SRF: variants seen among roughly 807,000 people sequenced by gnomAD.
SRF encodes serum response factor.
In SRF, 7 loss-of-function variants were observed where a neutral mutation model predicts 37.1. The observed-to-expected ratio is 0.19, with a 90% CI of 0.11 to 0.35. The LOEUF (loss-of-function observed/expected upper bound fraction) is 0.35, where lower values mean the gene tolerates loss of function less well. SRF is among the 10% of genes least tolerant of loss of function. The pLI, the probability that SRF is intolerant of heterozygous loss-of-function variation, is 1.00. For synonymous variants in SRF, 285 were observed against 310.1 expected (o/e 0.92, Z 0.85); for missense variants, 395 against 694.4 (o/e 0.57, Z 4.85).
Position 43,179,022 on chromosome 6 carries a change from AG to A in SRF, c.1432-71del. The A allele has an allele frequency of 6.3e-7, 1 of 1,588,038 alleles. No individual in the cohort carries two copies. The highest frequency in any genetic ancestry group is 8.6e-7 in the Non-Finnish European group (1 of 1,157,200). ...TTTTCTGCTCAGGCCTGTGGTTGGC[AG>A]GCAGGGAAGCCAGGGGAGCCTGAAC... is the stretch of plus-strand genomic sequence containing the variant. On this transcript the variant is annotated intron_variant, in intron 6 of 6. Coordinates refer to ENST00000265354, the MANE Select transcript of SRF (RefSeq NM_003131.4). The surrounding 1 kb of genome is among the most constrained non-coding windows in gnomAD (Gnocchi z 5.3).
intron 4 of SRF, among the ~76,000 whole-genome samples, chr6:43,177,228 G>GTTTTTTTTTTGTTTTTTGTTTTT (rs1772215070): frequency 4.3e-5 from 5 of 116,848 alleles, no homozygotes; most frequent in African/African-American, 1.9e-4. Context: ...ATCGGAGTCT[G>GTTTTTTTTTTGTTTTTTGTTTTT]TTTTTTTTTT....
At position 43,178,792 on chromosome 6, in the gene SRF, G is replaced by C; in HGVS notation, c.1355-14G>C. 6.2e-7 allele frequency: 1 copy of C among 1,614,068 alleles called. No homozygotes were observed. The highest frequency in any genetic ancestry group is 8.5e-7 in the Non-Finnish European group (1 of 1,179,910). On this transcript the variant is annotated splice_polypyrimidine_tract_variant and intron_variant, in intron 5 of 6. Transcript: ENST00000265354. The surrounding 1 kb of genome is among the most constrained non-coding windows in gnomAD (Gnocchi z 4.3). The stretch of plus-strand genomic sequence containing the variant: ...ACAAACAATTTGAGTATCTCCTGTG[G>C]TTTTCCAATGTAGGTGGCGTCCCCC...
Position 43,179,262 on chromosome 6 carries a change from T to G in SRF, c.*72T>G. ...TTTATTGTTGCCTTTTCACGTTTTC[T>G]TTACACACACGTTGACGGGCCGCAG... On this transcript the variant is annotated 3_prime_UTR_variant, in exon 7 of 7. Transcript: ENST00000265354. The surrounding 1 kb of genome is among the most constrained non-coding windows in gnomAD (Gnocchi z 5.3). 1 of 1,537,992 alleles carries G rather than the reference T, an allele frequency of 6.5e-7. No individual in the cohort carries two copies. The highest frequency in any genetic ancestry group is 1.1e-5 in the South Asian group (1 of 87,898).
In SRF at chr6:43,172,323, G is replaced by T. The variant is rs917461124; in HGVS notation, c.513+154G>T. ...GGATGGCTCCTGCCCGGGGAGGGCC[G>T]AAGGGGAGGGGCCGCCGGGGAAATG... On this transcript the variant is annotated intron_variant, in intron 1 of 6. Transcript: ENST00000265354. The surrounding 1 kb of genome is among the most constrained non-coding windows in gnomAD (Gnocchi z 5.7). The T allele has an allele frequency of 2.6e-5, 26 of 983,750 alleles. No individual in the cohort carries two copies. Among genetic ancestry groups the T allele is most frequent in the Non-Finnish European group, 3.1e-5 (26 of 828,634 alleles). 60.9% of individuals were successfully genotyped at this position (983,750 alleles called of 1,614,324 possible).
intron 2 of SRF, 123 bp downstream of exon 2, chr6:43,174,236 T>G (rs1772157167): frequency 1.6e-6 from 2 of 1,284,256 alleles, no homozygotes; most frequent in Admixed American, 4.7e-5. Context: ...ACCCTCGTCC[T>G]AGGGGACAGG....
chr6:43,173,912 T>C lies in SRF; in HGVS notation c.579T>C (p.His193=), dbSNP rs1191215455. The change falls in exon 2 of 7, where the codon CAT becomes CAC. Residue 193 remains histidine, a synonymous_variant. Transcript: ENST00000265354. This position sits in a 1 kb window ranked among gnomAD's most constrained non-coding sequence, Gnocchi z 4.2. The part of the protein sequence containing the change: ...VLLLVASETG[H]VYTFATRKLQ... ...TGCTGGTGGCCAGTGAGACAGGCCA[T>C]GTGTATACCTTTGCCACCCGAAAAC... 6.2e-7 allele frequency: 1 copy of C among 1,614,040 alleles called. No homozygotes were observed. Among genetic ancestry groups the C allele is most frequent in the Non-Finnish European group, 8.5e-7 (1 of 1,179,980 alleles).
rs1562002576 is a variant in SRF at position 43,180,457 on chromosome 6, A to T, written c.*1267A>T. The stretch of plus-strand genomic sequence containing the variant: ...GGGAGCAGCTTCTTGGGCTGAGTGC[A>T]GCCAAAGGGGAGCCAGAAATGGGCA... On this transcript the variant is annotated 3_prime_UTR_variant, in exon 7 of 7. Coordinates refer to ENST00000265354, the MANE Select transcript of SRF (RefSeq NM_003131.4). 1 of 152,720 alleles carries T rather than the reference A, an allele frequency of 6.5e-6. No homozygotes were observed. The highest frequency in any genetic ancestry group is 2.4e-5 in the African/African-American group (1 of 41,466). The allele number at this position is 152,720 out of a possible 1,614,324, so 9.5% of individuals were successfully genotyped here. A position where few individuals can be genotyped will look rare whatever the true frequency, so the allele number is the denominator to read the frequency against.
intron 4 of SRF, among the ~76,000 whole-genome samples, chr6:43,177,228 G>GTTTTTTTTTGTTTTTTTTTTTT (rs1772214991): frequency 8.6e-6 from 1 of 116,848 alleles, no homozygotes; most frequent in African/African-American, 3.8e-5. Context: ...ATCGGAGTCT[G>GTTTTTTTTTGTTTTTTTTTTTT]TTTTTTTTTT....
chr6:43,174,472 C>T lies in SRF; in HGVS notation c.780+359C>T, dbSNP rs573474230. 3.3e-5 allele frequency among the ~76,000 whole-genome samples: 5 copies of T among 152,354 alleles called. No homozygotes were observed. The East Asian group carries it at 7.7e-4, about 24-fold the overall frequency. On this transcript the variant is annotated intron_variant, in intron 2 of 6. Coordinates refer to ENST00000265354, the MANE Select transcript of SRF (RefSeq NM_003131.4). ...GCCAGGGAGTAGAAAGGGAGCACTCCGGTCCCGGGGTCCTGGGAATCCAGC... is the reference window on the plus strand; with the variant it reads ...GCCAGGGAGTAGAAAGGGAGCACTCTGGTCCCGGGGTCCTGGGAATCCAGC...
rs764683399 is a variant in SRF, at chr6:43,175,708, C to T, written c.783C>T (p.Asp261=). Residue 261 remains aspartate (D), a splice_region_variant and synonymous_variant, in exon 3 of 7, where the codon GAC becomes GAT. Coordinates refer to ENST00000265354, the MANE Select transcript of SRF (RefSeq NM_003131.4). The part of the protein sequence containing the change: ...SESDSSGETK[D]TLKPAFTVTN... ...CTTCATCTTTACTCTGGGTATAGGACACACTGAAGCCGGCGTTCACAGTCA... is the reference window on the plus strand; with the variant it reads ...CTTCATCTTTACTCTGGGTATAGGATACACTGAAGCCGGCGTTCACAGTCA... 8.1e-6 allele frequency: 13 copies of T among 1,614,160 alleles called. No homozygotes were observed. In the Admixed American group the frequency reaches 1.0e-4, roughly 12 times the overall value.
Position 43,177,228 on chromosome 6 carries a change from G to GTT in SRF, c.1162+577_1162+578dup, listed in dbSNP as rs544658252. 7.8e-3 allele frequency among the ~76,000 whole-genome samples: 914 copies of GTT among 116,762 alleles called. 95 individuals are homozygous for GTT. The highest frequency in any genetic ancestry group is 0.03 in the African/African-American group (796 of 26,166). The allele number at this position is 116,762 out of a possible 152,430, so 76.6% of individuals were successfully genotyped here. A position where few individuals can be genotyped will look rare whatever the true frequency, so the allele number is the denominator to read the frequency against. ...CCCCAAACCTAGTGAATCGGAGTCTGTTTTTTTTTTTTTTTTTGAGACGGA... is the reference window on the plus strand; with the variant it reads ...CCCCAAACCTAGTGAATCGGAGTCTGTTTTTTTTTTTTTTTTTTTGAGACGGA... On this transcript the variant is annotated intron_variant, in intron 4 of 6. Transcript: ENST00000265354.
rs531579734 is a variant in SRF, at chr6:43,176,181, T to C, written c.1042+214T>C. ...TGTCCTTGTCAGTAAGTTTCAACCA[T>C]ATATTCTGGCCCTGTCTAGCTACCC... On this transcript the variant is annotated intron_variant, in intron 3 of 6. Transcript: ENST00000265354. This position sits in a 1 kb window ranked among gnomAD's most constrained non-coding sequence, Gnocchi z 4.0. 7.0e-4 allele frequency among the ~76,000 whole-genome samples: 106 copies of C among 152,230 alleles called. No individual in the cohort carries two copies. The highest frequency in any genetic ancestry group is 1.1e-3 in the Admixed American group (17 of 15,292).
rs1561999131 is a variant in SRF, at chr6:43,172,267, G to A, written c.513+98G>A. 6.7e-7 allele frequency: 1 copy of A among 1,498,600 alleles called. No individual in the cohort carries two copies. 92.8% of individuals were successfully genotyped at this position (1,498,600 alleles called of 1,614,324 possible). A position where few individuals can be genotyped will look rare whatever the true frequency, so the allele number is the denominator to read the frequency against. ...CCGCAGAGCCGAGGCGGAGGTGAGA[G>A]GCTGCGAGTCCGCAGGAGGTGTGTG... On this transcript the variant is annotated intron_variant, in intron 1 of 6. Coordinates refer to ENST00000265354, the MANE Select transcript of SRF (RefSeq NM_003131.4). This position sits in a 1 kb window ranked among gnomAD's most constrained non-coding sequence, Gnocchi z 5.7.
At chr6:43,174,660 G>C (rs990519070) in intron 2 of SRF, among the ~76,000 whole-genome samples, 1 of 152,212 alleles carries the variant, frequency 6.6e-6, no homozygotes, top group African/African-American at 2.4e-5. Context: ...GGTAAGGAGA[G>C]GGGGTGGGGC....
Position 43,180,923 on chromosome 6 carries a change from T to A in SRF, c.*1733T>A, listed in dbSNP as rs1235123673. The A allele has an allele frequency of 6.6e-6, 1 of 152,350 alleles. No individual in the cohort carries two copies. 9.4% of individuals were successfully genotyped at this position (152,350 alleles called of 1,614,324 possible). ...ATTGCTGTCTTGCCCCAGTTTGGGG[T>A]GCCAAGATGGAAGTCACCTTTCTGG... is the stretch of plus-strand genomic sequence containing the variant. On this transcript the variant is annotated 3_prime_UTR_variant, in exon 7 of 7. Transcript: ENST00000265354.
chr6:43,171,409 C>G lies in SRF; in HGVS notation c.-248C>G. The G allele has an allele frequency of 3.8e-6, 1 of 261,032 alleles. No homozygotes were observed. The highest frequency in any genetic ancestry group is 7.0e-6 in the Non-Finnish European group (1 of 143,628). The allele number at this position is 261,032 out of a possible 1,614,324, so 16.2% of individuals were successfully genotyped here. On this transcript the variant is annotated 5_prime_UTR_variant, in exon 1 of 7. Transcript: ENST00000265354. This position sits in a 1 kb window ranked among gnomAD's most constrained non-coding sequence, Gnocchi z 6.5. ...GGGGGACGCTGACGGCCGCCCGGCG[C>G]GCCGCCCTAGCAGACGGACAGGGGG... is the stretch of plus-strand genomic sequence containing the variant.
intron 4 of SRF, among the ~76,000 whole-genome samples, chr6:43,177,396 AT>A (rs1582256190): frequency 6.6e-6 from 1 of 150,738 alleles, no homozygotes. Flanking sequence ...CACCTGGCTA[AT>A]TTTTTTGTAT....
rs544658252 is a variant in SRF at position 43,177,228 on chromosome 6, G to GTTTTTTTTTTTTTTTTTTTTT, written c.1162+578_1162+579insTTTTTTTTTTTTTTTTTTTTT. Among the ~76,000 whole-genome samples, 119 of 116,796 alleles carry GTTTTTTTTTTTTTTTTTTTTT rather than the reference G, an allele frequency of 1.0e-3. 10 individuals carry two copies. Among genetic ancestry groups the GTTTTTTTTTTTTTTTTTTTTT allele is most frequent in the Middle Eastern group, 4.4e-3 (1 of 228 alleles). 76.6% of individuals were successfully genotyped at this position (116,796 alleles called of 152,430 possible). ...CCCCAAACCTAGTGAATCGGAGTCT[G>GTTTTTTTTTTTTTTTTTTTTT]TTTTTTTTTTTTTTTTTGAGACGGA... On this transcript the variant is annotated intron_variant, in intron 4 of 6. Transcript: ENST00000265354.
At position 43,172,325 on chromosome 6, in the gene SRF, AGGGGAGGGGCCGCC is replaced by A; in HGVS notation, c.513+162_513+175del. ...ATGGCTCCTGCCCGGGGAGGGCCGA[AGGGGAGGGGCCGCC>A]GGGGAAATGTGGGGAGAGGGGAGAT... On this transcript the variant is annotated intron_variant, in intron 1 of 6. Transcript: ENST00000265354. The surrounding 1 kb of genome is among the most constrained non-coding windows in gnomAD (Gnocchi z 5.7). 1 of 979,534 alleles carries A rather than the reference AGGGGAGGGGCCGCC, an allele frequency of 1.0e-6. No individual in the cohort carries two copies. Among genetic ancestry groups the A allele is most frequent in the Non-Finnish European group, 1.2e-6 (1 of 826,190 alleles). 60.7% of individuals were successfully genotyped at this position (979,534 alleles called of 1,614,324 possible).
Sources: gnomAD v4.1 joint callset for allele counts (sites outside exome capture counted in the v4.1 genomes callset) on GRCh38, gnomAD v4.1.1 for gene constraint, Gnocchi (gnomAD v3.1) non-coding constraint, MANE v1.5 for transcripts, NCBI Gene and HGNC (gene_info 2026-07-23, HGNC 2026-07-21) for gene names.